Variants in UPF2 observed in about 807,000 individuals in gnomAD.
UPF2 encodes UPF2 regulator of nonsense mediated mRNA decay.
Under a neutral mutation model 141.4 loss-of-function variants are expected in UPF2, and 17 were observed. The observed-to-expected ratio is 0.12, with a 90% CI of 0.08 to 0.18. The LOEUF is 0.18. Ranked by LOEUF, UPF2 falls within the 10% of genes least tolerant of loss-of-function variation. UPF2 has a pLI of 1.00. For synonymous variants in UPF2, 540 were observed against 498.0 expected, an observed-to-expected ratio of 1.08 and a Z score of -1.12; for missense variants, 1,152 against 1,515.9, an observed-to-expected ratio of 0.76 and a Z score of 3.99.
intron 2 of UPF2, among the ~76,000 whole-genome samples, chr10:12,030,376 A>G (rs1017239700): frequency 6.6e-6 from 1 of 151,972 alleles, no homozygotes; most frequent in African/African-American, 2.4e-5. Context: ...TCTACTAAAA[A>G]TACAAAAATC....
chr10:12,024,719 C>T (rs1037287767), intron 3 of UPF2, among the ~76,000 whole-genome samples: 5 of 151,820 alleles, frequency 3.3e-5, no homozygotes, highest in African/African-American at 1.2e-4. Flanking sequence ...GATCGCTTGA[C>T]CCCAGAAGTT....
intron 14 of UPF2, among the ~76,000 whole-genome samples, chr10:11,954,703 C>T (rs567398040): frequency 6.1e-5 from 9 of 147,276 alleles, no homozygotes; most frequent in African/African-American, 7.5e-5. Context: ...GGGCTGGGCG[C>T]GATGGTTCAT....
chr10:11,937,304 A>AC (rs1832865335), intron 18 of UPF2, among the ~76,000 whole-genome samples: 1 of 152,226 alleles, frequency 6.6e-6, no homozygotes, highest in South Asian at 2.1e-4. Context: ...GCTTGGAGAT[A>AC]GTAATGTTAA....
In UPF2 at chr10:11,939,029, C is replaced by A. The variant is rs1285092267; in HGVS notation, c.3379-2317G>T. The stretch of plus-strand genomic sequence containing the variant: ...CTGGGACTACAGGCACCCACCACCA[C>A]AACCAGCTAATTTTTTGTATTTACT... On this transcript the variant is annotated intron_variant, in intron 18 of 21. Transcript: ENST00000357604. The surrounding 1 kb of genome is among the most constrained non-coding windows in gnomAD (Gnocchi z 4.8). Among the ~76,000 whole-genome samples, 1 of 151,696 alleles carries A rather than the reference C, an allele frequency of 6.6e-6. No homozygotes were observed. The highest frequency in any genetic ancestry group is 1.5e-5 in the Non-Finnish European group (1 of 67,896).
chr10:12,011,184 G>A (rs1016282054), intron 4 of UPF2, among the ~76,000 whole-genome samples: 3 of 152,124 alleles, frequency 2.0e-5, no homozygotes, highest in Non-Finnish European at 2.9e-5. Flanking sequence ...GTAGAGACAG[G>A]GTCTCGCTAT....
At position 11,920,921 on chromosome 10, in the gene UPF2, C is replaced by A. The variant is rs908090920; in HGVS notation, c.*377G>T. The A allele has an allele frequency of 1.3e-5, 6 of 465,560 alleles. No individual in the cohort carries two copies. Among genetic ancestry groups the A allele is most frequent in the African/African-American group, 5.9e-5 (3 of 50,632 alleles). 28.8% of individuals were successfully genotyped at this position (465,560 alleles called of 1,614,324 possible). A position where few individuals can be genotyped will look rare whatever the true frequency, so the allele number is the denominator to read the frequency against. On this transcript the variant is annotated 3_prime_UTR_variant, in exon 22 of 22. Transcript: ENST00000357604. ...TCAAATCAAGTTTAAAGCTCAAGTT[C>A]ATTTCCCCCACACCATTACCATCAC...
In UPF2 at chr10:11,980,427, C is replaced by G. The variant is rs567527492; in HGVS notation, c.1845-1262G>C. ...AGCTTGAAGCCAATTAGAACAGACA[C>G]AAATAATCATACGAGTCTTAATTAT... On this transcript the variant is annotated intron_variant, in intron 8 of 21. Coordinates refer to ENST00000357604, the MANE Select transcript of UPF2 (RefSeq NM_015542.4). The surrounding 1 kb of genome is among the most constrained non-coding windows in gnomAD (Gnocchi z 4.2). Among the ~76,000 whole-genome samples the G allele has an allele frequency of 2.0e-5, 3 of 152,112 alleles. No homozygotes were observed. The highest frequency in any genetic ancestry group is 7.2e-5 in the African/African-American group (3 of 41,426).
rs1039265216 is a variant in UPF2 at position 11,998,194 on chromosome 10, G to C, written c.1759-437C>G. ...CTAAGAAAACTGGAAAGCCTGATAA[G>C]CGGCCTCAGTGAAGGTCTCTCTGAC... On this transcript the variant is annotated intron_variant, in intron 7 of 21. Transcript: ENST00000357604. The surrounding 1 kb of genome is among the most constrained non-coding windows in gnomAD (Gnocchi z 4.5). Among the ~76,000 whole-genome samples the C allele has an allele frequency of 6.6e-6, 1 of 152,146 alleles. No homozygotes were observed. The highest frequency in any genetic ancestry group is 6.5e-5 in the Admixed American group (1 of 15,270).
chr10:11,997,431 A>C (rs1418719442), intron 8 of UPF2, among the ~76,000 whole-genome samples: 1 of 152,198 alleles, frequency 6.6e-6, no homozygotes, highest in Non-Finnish European at 1.5e-5. Flanking sequence ...CTTCTTCTTA[A>C]GCTACTCTTA....
Position 11,967,432 on chromosome 10 carries a change from T to C in UPF2, c.1976A>G (p.Asn659Ser). ...AACAGTTTTATTCTTTGTTTCAATA[T>C]TGATCTGGTCCTTTTTCCGTACCTA... is the stretch of plus-strand genomic sequence containing the variant. Reference protein sequence around the residue: ...RFHVRKKDQINIETKNKTVRF... With the variant: ...RFHVRKKDQISIETKNKTVRF... Residue 659 changes from asparagine to serine, a missense_variant, in exon 10 of 22, where the codon AAT becomes AGT. Transcript: ENST00000357604. The C allele has an allele frequency of 6.3e-7, 1 of 1,578,788 alleles. No individual in the cohort carries two copies.
chr10:12,021,379 A>ATT (rs1554784159), intron 3 of UPF2, among the ~76,000 whole-genome samples: 18 of 147,148 alleles, frequency 1.2e-4, no homozygotes, highest in Admixed American at 6.8e-4. Context: ...AAAAAAAAAA[A>ATT]TTTTTTTAAA....
chr10:11,938,857 T>TG (rs1588527701), intron 18 of UPF2, among the ~76,000 whole-genome samples: 5 of 68,276 alleles, frequency 7.3e-5, no homozygotes, highest in East Asian at 2.1e-3. Flanking sequence ...TTTTTTGTTT[T>TG]TTTTTTTTTT....
rs751626208 is a variant in UPF2 at position 11,955,300 on chromosome 10, T to A, written c.2782A>T (p.Thr928Ser). 6.2e-7 allele frequency: 1 copy of A among 1,612,546 alleles called. No homozygotes were observed. The highest frequency in any genetic ancestry group is 1.1e-5 in the South Asian group (1 of 90,606). ...CCTCTGTCAAAGTACTGGCCACATG[T>A]GTCCAGAATAGTGCATACGAGTCTA... ...RIRLVCTILD[T>S]CGQYFDRGSS... Residue 928 changes from threonine to serine, a missense_variant, in exon 14 of 22, where the codon ACA becomes TCA. Coordinates refer to ENST00000357604, the MANE Select transcript of UPF2 (RefSeq NM_015542.4).
At chr10:11,938,839 C>CA (rs1188627377) in intron 18 of UPF2, among the ~76,000 whole-genome samples, 1 of 83,178 alleles carries the variant, frequency 1.2e-5, no homozygotes, top group Non-Finnish European at 2.4e-5. Flanking sequence ...TGGTCTTAAG[C>CA]AAGTTTTTTT....
intron 9 of UPF2, among the ~76,000 whole-genome samples, chr10:11,972,709 A>G (rs1204639343): frequency 6.6e-6 from 1 of 152,228 alleles, no homozygotes; most frequent in African/African-American, 2.4e-5. Context: ...AAAGGACATG[A>G]ACTCATCCTT....
At chr10:11,947,996 C>T (rs1311870914) in intron 16 of UPF2, among the ~76,000 whole-genome samples, 1 of 151,672 alleles carries the variant, frequency 6.6e-6, no homozygotes, top group Non-Finnish European at 1.5e-5. Context: ...GCCTGCAATT[C>T]CAGCACTTTG....
At chr10:11,928,534 C>T (rs2131149016) in intron 21 of UPF2, among the ~76,000 whole-genome samples, 2 of 151,606 alleles carry the variant, frequency 1.3e-5, no homozygotes, top group Middle Eastern at 6.8e-3. Context: ...ACGGTGAAAC[C>T]CCGTCTCTAC....
intron 2 of UPF2, among the ~76,000 whole-genome samples, chr10:12,034,841 A>C (rs1834593751): frequency 6.6e-6 from 1 of 152,130 alleles, no homozygotes; most frequent in African/African-American, 2.4e-5. Context: ...GGACCTCAAA[A>C]CAGTACTCAT....
At chr10:11,989,482 AG>A (rs774818302) in intron 8 of UPF2, among the ~76,000 whole-genome samples, 5 of 152,202 alleles carry the variant, frequency 3.3e-5, no homozygotes, top group Admixed American at 1.3e-4. Context: ...AAATGTAAAG[AG>A]TAACAGTCAA....
Sources: gnomAD v4.1 joint callset for allele counts (sites outside exome capture counted in the v4.1 genomes callset) on GRCh38, gnomAD v4.1.1 for gene constraint, Gnocchi (gnomAD v3.1) non-coding constraint, MANE v1.5 for transcripts, NCBI Gene and HGNC (gene_info 2026-07-23, HGNC 2026-07-21) for gene names.